TENM2: variants seen among roughly 807,000 people sequenced by gnomAD.
TENM2 encodes teneurin transmembrane protein 2.
Under a neutral mutation model 245.2 loss-of-function variants are expected in TENM2, and 52 were observed. That is an observed-to-expected ratio of 0.21 (90% CI 0.17 to 0.27). TENM2 has a LOEUF of 0.27. TENM2 is among the 10% of genes least tolerant of loss of function. The probability of loss-of-function intolerance (pLI) is 1.00; values close to 1 mark genes in which losing one functional copy is unlikely to be tolerated. For synonymous variants in TENM2, 1,363 were observed against 1,438.9 expected (o/e 0.95, Z 1.19); for missense variants, 3,046 against 3,666.8 (o/e 0.83, Z 4.37).
At chr5:167,301,879 G>T (rs897445086) in intron 1 of TENM2, among the ~76,000 whole-genome samples, 2 of 152,140 alleles carry the variant, frequency 1.3e-5, no homozygotes, top group African/African-American at 4.8e-5. Flanking sequence ...AAGCCGGACC[G>T]GGTGTGAGGA....
the TENM2 span, among the ~76,000 whole-genome samples, chr5:167,072,371 G>T: frequency 6.6e-6 from 1 of 152,146 alleles, no homozygotes; most frequent in Non-Finnish European, 1.5e-5. Context: ...AATGATGTCT[G>T]GGTGTAGCTT....
chr5:167,015,054 G>C, the TENM2 span, among the ~76,000 whole-genome samples: 1 of 152,152 alleles, frequency 6.6e-6, no homozygotes, highest in Admixed American at 6.5e-5. Context: ...GCAGTTTACT[G>C]TTTATATACA....
intron 2 of TENM2, among the ~76,000 whole-genome samples, chr5:167,729,618 T>C (rs1018675745): frequency 6.6e-6 from 1 of 152,202 alleles, no homozygotes; most frequent in Non-Finnish European, 1.5e-5. Flanking sequence ...ACAATCAATT[T>C]TCTCTTGCAG....
intron 8 of TENM2, among the ~76,000 whole-genome samples, chr5:168,094,926 C>T (rs1246911154): frequency 6.6e-6 from 1 of 151,920 alleles, no homozygotes; most frequent in Non-Finnish European, 1.5e-5. Flanking sequence ...AGGGCAAACC[C>T]TATTGTGAAC....
chr5:168,029,915 G>C (rs1242264616), intron 5 of TENM2, among the ~76,000 whole-genome samples: 1 of 152,154 alleles, frequency 6.6e-6, no homozygotes, highest in Admixed American at 6.5e-5. Flanking sequence ...TGATGTGGCT[G>C]ATAGTTTGGA....
the TENM2 span, among the ~76,000 whole-genome samples, chr5:167,032,738 T>C: frequency 1.3e-5 from 2 of 152,202 alleles, no homozygotes; most frequent in Non-Finnish European, 2.9e-5. Flanking sequence ...TCCAACTACA[T>C]TGAAAATGTG....
At chr5:167,641,401 CCTT>C (rs1779606545) in intron 2 of TENM2, among the ~76,000 whole-genome samples, 1 of 152,112 alleles carries the variant, frequency 6.6e-6, no homozygotes, top group East Asian at 1.9e-4. Context: ...CAAAGACACT[CCTT>C]CTAATTAGGC....
intron 2 of TENM2, among the ~76,000 whole-genome samples, chr5:167,719,850 C>T (rs556457380): frequency 1.3e-5 from 2 of 152,264 alleles, no homozygotes; most frequent in Non-Finnish European, 2.9e-5. Flanking sequence ...TACAAGTCAA[C>T]ACCCTCCCAC....
At chr5:168,096,493 G>A (rs1406256000) in intron 8 of TENM2, among the ~76,000 whole-genome samples, 1 of 152,146 alleles carries the variant, frequency 6.6e-6, no homozygotes, top group Non-Finnish European at 1.5e-5. Context: ...TTTTGAAAAA[G>A]CAAATATACT....
chr5:168,204,670 C>T (rs537847068), intron 19 of TENM2, 49 bp downstream of exon 21: 2 of 1,594,886 alleles, frequency 1.3e-6, no homozygotes, highest in Non-Finnish European at 1.7e-6. Flanking sequence ...CCCCCCATAA[C>T]TCCTGAGTTT....
intron 12 of TENM2, among the ~76,000 whole-genome samples, chr5:168,143,919 G>A (rs1255252939): frequency 3.6e-5 from 5 of 138,404 alleles, no homozygotes; most frequent in East Asian, 4.1e-4. Flanking sequence ...GCGCGATCTC[G>A]GCTCACTGCA....
intron 2 of TENM2, among the ~76,000 whole-genome samples, chr5:167,726,964 A>G (rs973916242): frequency 5.3e-5 from 8 of 152,198 alleles, no homozygotes; most frequent in African/African-American, 1.9e-4. Context: ...ATGATAGGTC[A>G]ATAAATATGT....
chr5:168,195,551 CGTGTGTGTGTGTGTGTGTGT>C (rs35040257), intron 15 of TENM2, among the ~76,000 whole-genome samples: 996 of 98,250 alleles, frequency 0.01, 27 homozygotes, highest in East Asian at 0.036. Context: ...GGTCAATGCA[CGTGTGTGTGTGTGTGTGTGT>C]GTGTGTGTGT....
chr5:167,557,606 A>G (rs982055791), intron 2 of TENM2, among the ~76,000 whole-genome samples: 1 of 152,216 alleles, frequency 6.6e-6, no homozygotes, highest in African/African-American at 2.4e-5. Context: ...CTGAGGTTAT[A>G]ATATGAGCCC....
In TENM2 at chr5:167,671,734, GAT is replaced by G. The variant is rs554342867; in HGVS notation, c.503-204241_503-204240del. On this transcript the variant is annotated intron_variant, in intron 2 of 28. Transcript: ENST00000518659. ...TACGTAAATAAAATCTTTAGCTACA[GAT>G]ATATATATATTTATAGCTACAGATT... Among the ~76,000 whole-genome samples the G allele has an allele frequency of 2.5e-3, 380 of 149,658 alleles. 1 individual carries two copies. Among genetic ancestry groups the G allele is most frequent in the Non-Finnish European group, 4.3e-3 (288 of 67,492 alleles).
At chr5:168,124,886 T>C (rs1795730591) in exon 11 of TENM2, 1 of 1,612,862 alleles carries the variant, frequency 6.2e-7, no homozygotes, top group Non-Finnish European at 8.5e-7. Context: ...AGCCACGGAG[T>C]CTGTGTGAAT....
rs543646635 is a variant in TENM2 at position 167,443,411 on chromosome 5, T to C, written c.502+67938T>C. Reference sequence around the variant, plus strand: ...GCTTTCTTGTCCCACAAAGACAGAGTTGAAAAGTTCTAACAGACCATCTGA... The same window carrying C: ...GCTTTCTTGTCCCACAAAGACAGAGCTGAAAAGTTCTAACAGACCATCTGA... On this transcript the variant is annotated intron_variant, in intron 2 of 28. Transcript: ENST00000518659. 2.1e-4 allele frequency among the ~76,000 whole-genome samples: 32 copies of C among 152,294 alleles called. No individual in the cohort carries two copies. In the South Asian group the frequency reaches 2.9e-3, roughly 14 times the overall value.
chr5:168,201,673 A>G lies in TENM2; in HGVS notation c.3430+1542A>G, dbSNP rs140190979. On this transcript the variant is annotated intron_variant, in intron 17 of 28. Transcript: ENST00000518659. ...TCAGTATTTCAATTGCCTGACAAAT[A>G]CCATAAACTATCAATACTTTGTCTC... is the stretch of plus-strand genomic sequence containing the variant. Among the ~76,000 whole-genome samples, 202 of 152,328 alleles carry G rather than the reference A, an allele frequency of 1.3e-3. 1 individual carries two copies. The highest frequency in any genetic ancestry group is 4.4e-3 in the African/African-American group (185 of 41,580).
chr5:168,131,455 T>C (rs1018069376), intron 12 of TENM2, among the ~76,000 whole-genome samples: 2 of 152,234 alleles, frequency 1.3e-5, no homozygotes, highest in African/African-American at 4.8e-5. Context: ...TGGGCCCTTC[T>C]ATTTTTCCTC....
Sources: allele counts gnomAD v4.1 joint callset (sites outside exome capture counted in the v4.1 genomes callset), GRCh38; gene constraint gnomAD v4.1.1; transcripts MANE v1.5; gene names NCBI Gene and HGNC (gene_info 2026-07-23, HGNC 2026-07-21).